Variants in TBL1X observed in about 807,000 individuals in gnomAD.
The protein encoded by TBL1X is F-box-like/WD repeat-containing protein TBL1X.
A neutral mutation model predicts 50.7 loss-of-function variants in TBL1X; 10 were observed. The ratio of observed to expected loss-of-function variants is 0.20; its 90% CI spans 0.12 to 0.33. The LOEUF is 0.33. Among genes scored for constraint, TBL1X ranks in the 10% least tolerant of loss-of-function variants. The pLI is 1.00. For missense variants in TBL1X, 340 were observed against 504.4 expected (o/e 0.67, Z 3.12); for synonymous variants, 190 against 214.7 (o/e 0.88, Z 1.01).
At chrX:9,486,077 C>A (rs2081910912) in intron 1 of TBL1X, among the ~76,000 whole-genome samples, 1 of 110,304 alleles carries the variant, frequency 9.1e-6, no homozygotes, top group African/African-American at 3.3e-5. Flanking sequence ...TTTTGGAATT[C>A]ATGAACAGCC....
intron 12 of TBL1X, among the ~76,000 whole-genome samples, chrX:9,702,590 C>A (rs1387033792): frequency 1.0e-5 from 1 of 97,269 alleles, no homozygotes; most frequent in East Asian, 3.3e-4. Context: ...TGGGCAACAG[C>A]AAGACTTCAT....
At chrX:9,660,088 G>T (rs1308020422) in intron 5 of TBL1X, among the ~76,000 whole-genome samples, 1 of 112,969 alleles carries the variant, frequency 8.9e-6, no homozygotes, top group Non-Finnish European at 1.9e-5. Flanking sequence ...AGGCATCTGG[G>T]CAAGGCAAAG....
At chrX:9,555,695 C>T (rs185765563) in intron 2 of TBL1X, among the ~76,000 whole-genome samples, 8 of 111,957 alleles carry the variant, frequency 7.1e-5, no homozygotes, top group East Asian at 2.8e-4. Context: ...TCTATATCCT[C>T]GCCAACACTT....
intron 2 of TBL1X, among the ~76,000 whole-genome samples, chrX:9,544,665 C>T (rs996265504): frequency 1.8e-5 from 2 of 111,714 alleles, no homozygotes; most frequent in African/African-American, 6.5e-5. Flanking sequence ...CGAGTTCAAG[C>T]GATTCTCCTG....
chrX:9,527,817 T>C (rs556021915), intron 2 of TBL1X, among the ~76,000 whole-genome samples: 16 of 110,871 alleles, frequency 1.4e-4, no homozygotes, highest in African/African-American at 5.3e-4. Context: ...TTTTTCTTGG[T>C]GGAGGAGTGG....
At chrX:9,684,392 C>T (rs1406326299) in intron 6 of TBL1X, among the ~76,000 whole-genome samples, 1 of 110,043 alleles carries the variant, frequency 9.1e-6, no homozygotes, top group Non-Finnish European at 1.9e-5. Flanking sequence ...TGAGACCAGC[C>T]TGGACAACAT....
intron 2 of TBL1X, among the ~76,000 whole-genome samples, chrX:9,548,011 T>G (rs1569221452): frequency 9.6e-6 from 1 of 104,210 alleles, no homozygotes; most frequent in African/African-American, 3.5e-5. Flanking sequence ...GTTTCAGAAA[T>G]TTTTACGTTG....
chrX:9,500,544 C>T (rs186124496), intron 1 of TBL1X, among the ~76,000 whole-genome samples: 14 of 111,744 alleles, frequency 1.3e-4, no homozygotes, highest in African/African-American at 3.9e-4. Context: ...TGCAATGAGC[C>T]GAGACTGCGC....
At chrX:9,710,091 C>T (rs781598878) in intron 15 of TBL1X, among the ~76,000 whole-genome samples, 1 of 109,135 alleles carries the variant, frequency 9.2e-6, no homozygotes, top group African/African-American at 3.3e-5. Context: ...GTGACGTGTG[C>T]CTGTAGTCCC....
intron 2 of TBL1X, among the ~76,000 whole-genome samples, chrX:9,600,567 A>C (rs953098759): frequency 9.1e-6 from 1 of 110,351 alleles, no homozygotes; most frequent in Admixed American, 9.6e-5. Flanking sequence ...AACACAGAAA[A>C]GCATTCACCT....
intron 2 of TBL1X, among the ~76,000 whole-genome samples, chrX:9,586,753 A>G (rs928097397): frequency 8.1e-5 from 9 of 111,471 alleles, no homozygotes; most frequent in African/African-American, 2.9e-4. Flanking sequence ...AATTAAAATT[A>G]GCCAGGCATG....
At chrX:9,688,390 C>G (rs943765724) in intron 7 of TBL1X, 115 bp downstream of exon 7, 1 of 678,494 alleles carries the variant, frequency 1.5e-6, no homozygotes, top group African/African-American at 2.3e-5. Flanking sequence ...TTAGAAGCTG[C>G]TCTCTAGTGT....
At chrX:9,556,933 T>C (rs2082303892) in intron 2 of TBL1X, among the ~76,000 whole-genome samples, 1 of 111,069 alleles carries the variant, frequency 9.0e-6, no homozygotes. Flanking sequence ...CATTTCCCCT[T>C]TCACATTGAA....
At chrX:9,625,831 C>T (rs761870981) in intron 2 of TBL1X, among the ~76,000 whole-genome samples, 104 of 112,008 alleles carry the variant, frequency 9.3e-4, no homozygotes, top group Admixed American at 2.3e-3. Flanking sequence ...CCCAGCTACT[C>T]GGGAGGCCGA....
chrX:9,674,283 A>G (rs2082977779), intron 5 of TBL1X, among the ~76,000 whole-genome samples: 2 of 110,434 alleles, frequency 1.8e-5, no homozygotes, highest in African/African-American at 3.3e-5. Flanking sequence ...TGTGTGGGAC[A>G]GGGTCTCACT....
chrX:9,466,082 C>A (rs1425034047), intron 1 of TBL1X, among the ~76,000 whole-genome samples: 6 of 109,347 alleles, frequency 5.5e-5, no homozygotes, highest in Non-Finnish European at 1.2e-4. Flanking sequence ...CCTGAGCGCA[C>A]GGCTGGGCTG....
intron 2 of TBL1X, among the ~76,000 whole-genome samples, chrX:9,626,025 G>C (rs73478832): frequency 0.056 from 6,231 of 111,725 alleles, 262 homozygotes; most frequent in African/African-American, 0.15. Flanking sequence ...GATCATTCCT[G>C]GATTCCAATC....
At chrX:9,539,592 G>A (rs1245028999) in intron 2 of TBL1X, among the ~76,000 whole-genome samples, 3 of 111,799 alleles carry the variant, frequency 2.7e-5, no homozygotes, top group Non-Finnish European at 5.6e-5. Flanking sequence ...ATGGCTTTGG[G>A]CTACTCATCA....
chrX:9,653,740 G>A, intron 4 of TBL1X, 51 bp downstream of exon 4: 1 of 1,081,727 alleles, frequency 9.2e-7, no homozygotes, highest in South Asian at 2.0e-5. Flanking sequence ...CTTTGGGGGT[G>A]TTGACATGGC....
Sources: gnomAD v4.1 joint callset for allele counts (sites outside exome capture counted in the v4.1 genomes callset) on GRCh38, gnomAD v4.1.1 for gene constraint, MANE v1.5 for transcripts, NCBI Gene and HGNC (gene_info 2026-07-23, HGNC 2026-07-21) for gene names.